The following OR1B1 variants were observed in gnomAD, a reference collection of about 807,000 sequenced individuals.
OR1B1 encodes olfactory receptor family 1 subfamily B member 1.
For missense variants in OR1B1, 414 were observed against 402.1 expected, an observed-to-expected ratio of 1.03 and a Z score of -0.25; for synonymous variants, 168 against 156.2, an observed-to-expected ratio of 1.08 and a Z score of -0.57.
chr9:122,654,841 C>T, the OR1B1 span, among the ~76,000 whole-genome samples: 1 of 152,210 alleles, frequency 6.6e-6, no homozygotes, highest in Non-Finnish European at 1.5e-5. Flanking sequence ...TCACAGATAA[C>T]AGGATTTCCC....
the OR1B1 span, among the ~76,000 whole-genome samples, chr9:122,652,760 G>A: frequency 4.6e-5 from 7 of 151,904 alleles, no homozygotes; most frequent in African/African-American, 1.7e-4. Flanking sequence ...AGCTCCAGAT[G>A]ATTTATCAAG....
the OR1B1 span, among the ~76,000 whole-genome samples, chr9:122,641,091 C>T: frequency 6.6e-6 from 1 of 152,144 alleles, no homozygotes; most frequent in Non-Finnish European, 1.5e-5. Context: ...GGAATGAGGT[C>T]ATGAAAATAT....
chr9:122,647,309 A>G, the OR1B1 span, among the ~76,000 whole-genome samples: 1 of 152,214 alleles, frequency 6.6e-6, no homozygotes, highest in African/African-American at 2.4e-5. Context: ...AACTATACAA[A>G]CACATGGAAA....
upstream of OR1B1, among the ~76,000 whole-genome samples, chr9:122,629,907 A>C (rs373100795): frequency 5.8e-4 from 89 of 152,278 alleles, no homozygotes; most frequent in Non-Finnish European, 1.1e-3. Context: ...CACTGTCTCC[A>C]GTTCCTTACC....
the OR1B1 span, among the ~76,000 whole-genome samples, chr9:122,653,141 T>A: frequency 6.6e-6 from 1 of 152,192 alleles, no homozygotes; most frequent in East Asian, 1.9e-4. Flanking sequence ...TAGAAAAGGC[T>A]CTGAGGAATA....
chr9:122,629,024 G>A (rs1324488035), exon 1 of OR1B1: 2 of 1,613,942 alleles, frequency 1.2e-6, no homozygotes. Context: ...AGCATCCCCA[G>A]TCCAGCAAAG....
At chr9:122,650,220 A>T in the OR1B1 span, among the ~76,000 whole-genome samples, 2 of 152,152 alleles carry the variant, frequency 1.3e-5, no homozygotes, top group Admixed American at 1.3e-4. Flanking sequence ...GAACATAGGG[A>T]GGGGAACATC....
At chr9:122,654,851 C>G in the OR1B1 span, among the ~76,000 whole-genome samples, 2 of 152,306 alleles carry the variant, frequency 1.3e-5, no homozygotes, top group Admixed American at 1.3e-4. Flanking sequence ...CAGGATTTCC[C>G]CCCTTTGTAA....
At chr9:122,650,565 A>T in the OR1B1 span, among the ~76,000 whole-genome samples, 1 of 152,046 alleles carries the variant, frequency 6.6e-6, no homozygotes, top group East Asian at 1.9e-4. Context: ...CTCCAGCAGT[A>T]AGAACTATAT....
chr9:122,652,873 T>A, the OR1B1 span, among the ~76,000 whole-genome samples: 1 of 152,208 alleles, frequency 6.6e-6, no homozygotes, highest in Non-Finnish European at 1.5e-5. Context: ...TCAACTTGTC[T>A]CTTACGGAAT....
At chr9:122,628,601 T>C in exon 1 of OR1B1, 2 of 1,611,574 alleles carry the variant, frequency 1.2e-6, no homozygotes, top group Non-Finnish European at 1.7e-6. Context: ...CTTCACCCAT[T>C]CAAGCAGCCT....
At chr9:122,637,679 T>C in the OR1B1 span, among the ~76,000 whole-genome samples, 7 of 152,232 alleles carry the variant, frequency 4.6e-5, no homozygotes, top group African/African-American at 1.7e-4. Context: ...ACTGCATTCT[T>C]AGTTTGCAAA....
At chr9:122,628,859 C>A in exon 1 of OR1B1, 7 of 1,614,046 alleles carry the variant, frequency 4.3e-6, no homozygotes, top group Non-Finnish European at 5.9e-6. Context: ...GGCCCCAATT[C>A]GGACATAAGA....
chr9:122,636,994 T>C, the OR1B1 span: 1 of 152,362 alleles, frequency 6.6e-6, no homozygotes, highest in Non-Finnish European at 1.5e-5. Flanking sequence ...GTAACTTTTT[T>C]CACACGACTG....
At chr9:122,628,639 G>T (rs1196684027) in exon 1 of OR1B1, 1 of 1,613,926 alleles carries the variant, frequency 6.2e-7, no homozygotes, top group Non-Finnish European at 8.5e-7. Flanking sequence ...CATCCTTATT[G>T]TGGAGGCTAT....
chr9:122,650,867 T>C, the OR1B1 span, among the ~76,000 whole-genome samples: 2 of 151,248 alleles, frequency 1.3e-5, no homozygotes, highest in African/African-American at 4.9e-5. Context: ...ACTAAAAAAA[T>C]ACAAAAAATT....
At chr9:122,657,429 C>G in the OR1B1 span, among the ~76,000 whole-genome samples, 1 of 152,130 alleles carries the variant, frequency 6.6e-6, no homozygotes, top group African/African-American at 2.4e-5. Flanking sequence ...ACGCTACAGT[C>G]CATGTTGTTC....
At chr9:122,642,589 A>T in the OR1B1 span, among the ~76,000 whole-genome samples, 1 of 152,260 alleles carries the variant, frequency 6.6e-6, no homozygotes, top group East Asian at 1.9e-4. Context: ...CATACTCTCA[A>T]GGGAAGGTAC....
At chr9:122,628,868 G>A in exon 1 of OR1B1, 1 of 1,614,130 alleles carries the variant, frequency 6.2e-7, no homozygotes, top group Non-Finnish European at 8.5e-7. Context: ...TCGGACATAA[G>A]AGAGTACAAT....
Sources: allele counts gnomAD v4.1 joint callset (sites outside exome capture counted in the v4.1 genomes callset), GRCh38; gene constraint gnomAD v4.1.1; transcripts MANE v1.5; gene names NCBI Gene and HGNC (gene_info 2026-07-23, HGNC 2026-07-21).